The following CUX1 variants were observed in gnomAD, a reference collection of about 807,000 sequenced individuals.
CUX1 encodes the protein cut like homeobox 1, also known as protein CASP.
In CUX1, 31 loss-of-function variants were observed where a neutral mutation model predicts 158.8. The ratio of observed to expected loss-of-function variants is 0.20; its 90% confidence interval spans 0.15 to 0.26. The LOEUF (loss-of-function observed/expected upper bound fraction) is 0.26, where lower values mean the gene tolerates loss of function less well. Ranked by LOEUF, CUX1 falls within the 10% of genes least tolerant of loss-of-function variation. CUX1 has a pLI of 1.00. For synonymous variants in CUX1, 879 were observed against 862.1 expected (o/e 1.02, Z -0.34); for missense variants, 1,589 against 2,014.6 (o/e 0.79, Z 4.04).
At position 102,257,562 on chromosome 7, in the gene CUX1, C is replaced by A. The variant is rs1335124933; in HGVS notation, c.*8520C>A. On this transcript the variant is annotated 3_prime_UTR_variant, in exon 24 of 24. Transcript: ENST00000292535. The stretch of plus-strand genomic sequence containing the variant: ...ACATCCCTTTGCATTGAATAAGAGA[C>A]CTAGTTCTTTGCGTTTGTGCAATAA... 1 of 985,220 alleles carries A rather than the reference C, an allele frequency of 1.0e-6. No individual in the cohort carries two copies. Among genetic ancestry groups the A allele is most frequent in the Non-Finnish European group, 1.2e-6 (1 of 829,932 alleles). The allele number at this position is 985,220 out of a possible 1,614,324, so 61.0% of individuals were successfully genotyped here. A position where few individuals can be genotyped will look rare whatever the true frequency, so the allele number is the denominator to read the frequency against.
At position 102,234,258 on chromosome 7, in the gene CUX1, G is replaced by C; in HGVS notation, c.3622+18G>C. 6.7e-7 allele frequency: 1 copy of C among 1,498,724 alleles called. No individual in the cohort carries two copies. Among genetic ancestry groups the C allele is most frequent in the Non-Finnish European group, 8.9e-7 (1 of 1,120,720 alleles). 92.8% of individuals were successfully genotyped at this position (1,498,724 alleles called of 1,614,324 possible). On this transcript the variant is annotated intron_variant, in intron 22 of 23. Coordinates refer to ENST00000292535, the MANE Select transcript of CUX1 (RefSeq NM_181552.4). ...GAAGAAAGGTAAGTCTCCCTGCCCC[G>C]CCCGGGCCGGCTGCGTCCGCATTCA... is the stretch of plus-strand genomic sequence containing the variant.
At chr7:102,080,097 T>C (rs1827200135) in intron 4 of CUX1, among the ~76,000 whole-genome samples, 1 of 152,216 alleles carries the variant, frequency 6.6e-6, no homozygotes, top group African/African-American at 2.4e-5. Context: ...AAGATGGGCG[T>C]TAGGCCTGTT....
chr7:102,005,302 A>G (rs1817206517), intron 2 of CUX1, among the ~76,000 whole-genome samples: 1 of 152,240 alleles, frequency 6.6e-6, no homozygotes, highest in African/African-American at 2.4e-5. Flanking sequence ...ACCTGAGGCC[A>G]GGAGTTCGAG....
At chr7:102,162,617 C>T (rs571912197) in intron 9 of CUX1, among the ~76,000 whole-genome samples, 1 of 152,244 alleles carries the variant, frequency 6.6e-6, no homozygotes, top group East Asian at 1.9e-4. Flanking sequence ...TGGGCTCAAG[C>T]GATCTGCCCA....
rs377612 is a variant in CUX1 at position 102,070,310 on chromosome 7, T to C, written c.190-29T>C. 1,318,622 of 1,582,904 alleles carry C rather than the reference T, an allele frequency of 0.83. 550,877 individuals are homozygous for C. Among genetic ancestry groups the C allele is most frequent in the East Asian group, 0.99 (44,282 of 44,662 alleles). ...CTTGACAAATGTTGAGCTCTTTGTT[T>C]TTCTTTTCTTTCTTTCCTTCCCTTT... On this transcript the variant is annotated intron_variant, in intron 3 of 23. Transcript: ENST00000292535.
intron 11 of CUX1, chr7:102,187,037 A>T (rs551847565): frequency 6.6e-6 from 1 of 152,358 alleles, no homozygotes; most frequent in East Asian, 1.9e-4. Context: ...ATCTCAAAAA[A>T]AAAAGACTCT....
At position 101,941,222 on chromosome 7, in the gene CUX1, T is replaced by G. The variant is rs1449913840; in HGVS notation, c.141+24997T>G. ...GGGAACTCACTGGGAGGAGGGCGGG[T>G]TGGGGGAGACCCAGAAGCCATGCTG... On this transcript the variant is annotated intron_variant, in intron 2 of 23. Coordinates refer to ENST00000292535, the MANE Select transcript of CUX1 (RefSeq NM_181552.4). Among the ~76,000 whole-genome samples, 4 of 152,012 alleles carry G rather than the reference T, an allele frequency of 2.6e-5. No homozygotes were observed. The East Asian group carries it at 7.7e-4, about 29-fold the overall frequency.
At chr7:102,198,455 T>C (rs1554518953) in intron 15 of CUX1, among the ~76,000 whole-genome samples, 1 of 152,214 alleles carries the variant, frequency 6.6e-6, no homozygotes, top group Admixed American at 6.5e-5. Flanking sequence ...ATGAGGATGT[T>C]AACCGAAATT....
At chr7:101,995,459 T>TA (rs1319557884) in intron 2 of CUX1, among the ~76,000 whole-genome samples, 7 of 152,238 alleles carry the variant, frequency 4.6e-5, no homozygotes, top group African/African-American at 1.7e-4. Flanking sequence ...TGGTCTATCT[T>TA]ACGCCTTTGG....
downstream of CUX1, among the ~76,000 whole-genome samples, chr7:102,262,361 GCACT>G (rs1211285181): frequency 2.3e-5 from 3 of 130,634 alleles, no homozygotes; most frequent in Non-Finnish European, 4.9e-5. Flanking sequence ...TACCTCCACT[GCACT>G]CCAGCCTGGG....
intron 2 of CUX1, among the ~76,000 whole-genome samples, chr7:101,984,132 AC>A (rs2129224267): frequency 7.5e-5 from 1 of 13,260 alleles, no homozygotes; most frequent in Non-Finnish European, 1.7e-4. Context: ...ATATATATAC[AC>A]ACACACATAT....
intron 4 of CUX1, among the ~76,000 whole-genome samples, chr7:102,077,997 A>G (rs1304842775): frequency 1.3e-5 from 2 of 152,218 alleles, no homozygotes; most frequent in East Asian, 3.8e-4. Flanking sequence ...TATTGCAGAT[A>G]AGAACTTAGT....
chr7:102,145,028 A>G (rs534341979), intron 8 of CUX1, among the ~76,000 whole-genome samples: 31 of 149,960 alleles, frequency 2.1e-4, no homozygotes, highest in African/African-American at 6.9e-4. Flanking sequence ...CGGAGGTTGC[A>G]GTGAGCCGAG....
Position 102,239,362 on chromosome 7 carries a change from C to T in CUX1, c.3665C>T (p.Pro1222Leu). ...CACAGCTCAGTCAGTGACAGCCAGC[C>T]CTGCGAACCGCCCTCTGTCGGCACC... Reference protein sequence around the residue: ...RRHSSVSDSQPCEPPSVGTEY... With the variant: ...RRHSSVSDSQLCEPPSVGTEY... Residue 1222 changes from proline to leucine, a missense_variant, in exon 23 of 24, where the codon CCC becomes CTC. Physicochemically the swap from Pro to Leu is moderately conservative, Grantham distance 98 (BLOSUM62 -3). Around this residue, in one of 8 missense-constraint regions of CUX1, gnomAD observed 259 missense variants for 373.8 expected, o/e 0.69. Coordinates refer to ENST00000292535, the MANE Select transcript of CUX1 (RefSeq NM_181552.4). The T allele has an allele frequency of 6.2e-7, 1 of 1,612,260 alleles. No individual in the cohort carries two copies. Among genetic ancestry groups the T allele is most frequent in the Non-Finnish European group, 8.5e-7 (1 of 1,179,420 alleles).
chr7:102,124,702 G>C (rs1261417233), intron 8 of CUX1, among the ~76,000 whole-genome samples: 5 of 152,174 alleles, frequency 3.3e-5, no homozygotes, highest in African/African-American at 1.2e-4. Flanking sequence ...TTTATAGGTA[G>C]ACAGGAGGAA....
At chr7:102,086,341 G>A (rs1827954716) in intron 4 of CUX1, among the ~76,000 whole-genome samples, 1 of 149,900 alleles carries the variant, frequency 6.7e-6, no homozygotes, top group African/African-American at 2.5e-5. Flanking sequence ...TTCTTTATGA[G>A]TTTTACTAAG....
intron 2 of CUX1, among the ~76,000 whole-genome samples, chr7:101,972,467 G>C (rs959121449): frequency 7.9e-5 from 12 of 152,336 alleles, no homozygotes; most frequent in Admixed American, 7.2e-4. Context: ...AGGTTGCGGG[G>C]ATCTGTTGGA....
At chr7:102,104,285 A>G (rs781842407) in intron 5 of CUX1, 51 bp from the exon 6 acceptor site, 6 of 1,546,600 alleles carry the variant, frequency 3.9e-6, no homozygotes, top group South Asian at 3.5e-5. Flanking sequence ...CTACAGCCAT[A>G]TGGAATTGTA....
intron 4 of CUX1, among the ~76,000 whole-genome samples, chr7:102,090,603 C>T (rs1050064097): frequency 5.3e-5 from 8 of 151,648 alleles, no homozygotes; most frequent in East Asian, 1.9e-4. Flanking sequence ...TTAGCCAGGA[C>T]GGTCTCGATC....
Sources: gnomAD v4.1 joint callset for allele counts (sites outside exome capture counted in the v4.1 genomes callset) on GRCh38, gnomAD v4.1.1 for gene constraint, gnomAD v4.1.1 regional missense constraint, MANE v1.5 for transcripts, NCBI Gene and HGNC (gene_info 2026-07-23, HGNC 2026-07-21) for gene names.